Variants in EMC4 observed in about 807,000 individuals in gnomAD.
EMC4 encodes cell proliferation-inducing gene 17 protein.
A neutral mutation model predicts 24.2 loss-of-function variants in EMC4; 9 were observed. The observed-to-expected ratio is 0.37, with a 90% confidence interval of 0.22 to 0.65. The LOEUF is 0.65. EMC4 is among the 30% of genes least tolerant of loss of function. The pLI, the probability that EMC4 is intolerant of heterozygous loss-of-function variation, is 0.59. For missense variants in EMC4, 169 were observed against 234.6 expected, an observed-to-expected ratio of 0.72 and a Z score of 1.83; for synonymous variants, 86 against 81.1, an observed-to-expected ratio of 1.06 and a Z score of -0.32.
In EMC4 at chr15:34,228,005, A is replaced by AGAGTAGAGAG. The variant is rs1595381813; in HGVS notation, c.355+159_355+160insGAGTAGAGAG. 10 of 684,526 alleles carry AGAGTAGAGAG rather than the reference A, an allele frequency of 1.5e-5. No homozygotes were observed. The East Asian group carries it at 2.7e-4, about 19-fold the overall frequency. 42.4% of individuals were successfully genotyped at this position (684,526 alleles called of 1,614,324 possible). A position where few individuals can be genotyped will look rare whatever the true frequency, so the allele number is the denominator to read the frequency against. On this transcript the variant is annotated intron_variant, in intron 3 of 4. Transcript: ENST00000267750. ...CGAGACCAGCCTGGCCAACATGGTG[A>AGAGTAGAGAG]AACCTTGTCTCTACTAAAAATGCAA...
At chr15:34,228,402 G>T in intron 3 of EMC4, 27 bp from the exon 4 acceptor site, 2 of 1,611,044 alleles carry the variant, frequency 1.2e-6, no homozygotes, top group South Asian at 2.2e-5. Context: ...AGTTCTTTTG[G>T]TTTGACAACT....
intron 2 of EMC4, 111 bp from the exon 3 acceptor site, chr15:34,227,582 G>A: frequency 8.2e-7 from 1 of 1,215,224 alleles, no homozygotes; most frequent in African/African-American, 1.5e-5. Flanking sequence ...AGTCAGCTCA[G>A]TTAGAAGCAG....
chr15:34,229,879 A>AAT lies in EMC4; in HGVS notation c.*92_*93dup. On this transcript the variant is annotated 3_prime_UTR_variant, in exon 5 of 5. Coordinates refer to ENST00000267750, the MANE Select transcript of EMC4 (RefSeq NM_016454.4). The stretch of plus-strand genomic sequence containing the variant: ...TGGCTCCTCAGCATACTCTTAAACT[A>AAT]ATCACTTATGTTAAAAAGAACCAAA... 8.3e-7 allele frequency: 1 copy of AAT among 1,210,678 alleles called. No individual in the cohort carries two copies. Among genetic ancestry groups the AAT allele is most frequent in the Middle Eastern group, 1.9e-4 (1 of 5,298 alleles). 75.0% of individuals were successfully genotyped at this position (1,210,678 alleles called of 1,614,324 possible).
rs200295598 is a variant in EMC4 at position 34,225,103 on chromosome 15, G to A, written c.-12G>A. ...CTGAGAAGCATCGAGGCTATAGGAC[G>A]CAGCTGTTGCCATGACGGCCCAGGG... On this transcript the variant is annotated 5_prime_UTR_variant, in exon 1 of 5. Coordinates refer to ENST00000267750, the MANE Select transcript of EMC4 (RefSeq NM_016454.4). The A allele has an allele frequency of 6.0e-4, 930 of 1,550,518 alleles. 2 individuals are homozygous for A. Among genetic ancestry groups the A allele is most frequent in the Non-Finnish European group, 7.9e-4 (905 of 1,145,882 alleles).
Position 34,225,516 on chromosome 15 carries a change from T to C in EMC4, c.87-20T>C, listed in dbSNP as rs1890627401. 3 of 1,585,256 alleles carry C rather than the reference T, an allele frequency of 1.9e-6. No homozygotes were observed. The African/African-American group carries it at 4.0e-5, about 21-fold the overall frequency. On this transcript the variant is annotated intron_variant, in intron 1 of 4. Coordinates refer to ENST00000267750, the MANE Select transcript of EMC4 (RefSeq NM_016454.4). ...AAGTATCGGAGGTTGCAGCTTTAGT[T>C]TCTTGGTTTGGTTTTTTAGGGGTCG...
At chr15:34,228,664 ATTGGAG>A in intron 4 of EMC4, 75 bp downstream of exon 4, 3 of 1,092,210 alleles carry the variant, frequency 2.7e-6, no homozygotes, top group Non-Finnish European at 3.9e-6. Context: ...ATGGTAGGAA[ATTGGAG>A]TTGGTATTTG....
rs1386875894 is a variant in EMC4 at position 34,227,707 on chromosome 15, C to T, written c.216C>T (p.Ile72=). 1.8e-5 allele frequency: 29 copies of T among 1,613,700 alleles called. No homozygotes were observed. The highest frequency in any genetic ancestry group is 2.3e-5 in the Non-Finnish European group (27 of 1,179,802). ...RILVEKRCWD[I]ALGPLKQIPM... ...TTTTGTTTTAGCGCTGCTGGGACATCGCCTTGGGTCCCCTCAAACAGATTC... is the reference window on the plus strand; with the variant it reads ...TTTTGTTTTAGCGCTGCTGGGACATTGCCTTGGGTCCCCTCAAACAGATTC... Residue 72 remains isoleucine (I), a synonymous_variant, in exon 3 of 5, where the codon ATC becomes ATT. Transcript: ENST00000267750.
intron 3 of EMC4, chr15:34,228,182 C>G (rs1890699194): frequency 4.1e-6 from 2 of 492,710 alleles, no homozygotes; most frequent in Non-Finnish European, 3.6e-6. Context: ...GACTCCATCT[C>G]AAAAAAAAGG....
chr15:34,225,385 T>G (rs1890622661), intron 1 of EMC4, 151 bp from the exon 2 acceptor site: 2 of 806,132 alleles, frequency 2.5e-6, no homozygotes, highest in Non-Finnish European at 4.1e-6. Flanking sequence ...GTCCTCCTGA[T>G]AAGTCAAAGG....
intron 3 of EMC4, 63 bp downstream of exon 3, chr15:34,227,909 G>T (rs546797434): frequency 4.3e-5 from 67 of 1,553,096 alleles, no homozygotes; most frequent in Middle Eastern, 2.0e-4. Flanking sequence ...GGCCGGGCAT[G>T]GTGGCTCACG....
Position 34,225,191 on chromosome 15 carries a change from G to A in EMC4, c.77G>A (p.Gly26Glu). 1 of 1,550,458 alleles carries A rather than the reference G, an allele frequency of 6.4e-7. No individual in the cohort carries two copies. Among genetic ancestry groups the A allele is most frequent in the Non-Finnish European group, 8.7e-7 (1 of 1,146,444 alleles). ...GCCATTGAGCTAAGCGGGCCTGGAGGAGGCAGCAGGTGAGGCACCTGGGCA... is the reference window on the plus strand; with the variant it reads ...GCCATTGAGCTAAGCGGGCCTGGAGAAGGCAGCAGGTGAGGCACCTGGGCA... ...KWAIELSGPG[G>E]GSRGRSDRGS... Residue 26 changes from glycine (G) to glutamate (E), a missense_variant, in exon 1 of 5, where the codon GGA becomes GAA. By Grantham distance (98) the Gly-to-Glu change is moderately conservative. Transcript: ENST00000267750.
intron 1 of EMC4, 87 bp downstream of exon 1, chr15:34,225,287 A>C: frequency 8.4e-7 from 1 of 1,192,320 alleles, no homozygotes; most frequent in Non-Finnish European, 1.2e-6. Context: ...CATAACTCTG[A>C]AAAAGATGGG....
chr15:34,225,454 ATTCCTATGATTGG>A, intron 1 of EMC4, 69 bp from the exon 2 acceptor site: 2 of 1,100,804 alleles, frequency 1.8e-6, no homozygotes, highest in Non-Finnish European at 2.8e-6. Context: ...GAAGATCTTT[ATTCCTATGATTGG>A]TAGATCAGGA....
In EMC4 at chr15:34,225,198, C is replaced by T. The variant is rs765598377; in HGVS notation, c.84C>T (p.Ser28=). 2.1e-5 allele frequency: 32 copies of T among 1,549,138 alleles called. No homozygotes were observed. Among genetic ancestry groups the T allele is most frequent in the Non-Finnish European group, 2.7e-5 (31 of 1,145,750 alleles). ...AIELSGPGGG[S]RGRSDRGSGQ... ...AGCTAAGCGGGCCTGGAGGAGGCAG[C>T]AGGTGAGGCACCTGGGCAAGCTGTA... The change falls in exon 1 of 5, where the codon AGC becomes AGT. Residue 28 remains serine, a splice_region_variant and synonymous_variant. Transcript: ENST00000267750.
chr15:34,228,681 AGTTTC>A, intron 4 of EMC4, 92 bp downstream of exon 4: 3 of 538,036 alleles, frequency 5.6e-6, no homozygotes, highest in Non-Finnish European at 9.0e-6. Context: ...TTGGTATTTG[AGTTTC>A]TTTTTTTTTT....
At chr15:34,227,989 C>A in intron 3 of EMC4, 143 bp downstream of exon 3, 1 of 793,786 alleles carries the variant, frequency 1.3e-6, no homozygotes, top group South Asian at 1.8e-5. Flanking sequence ...TCGAGACCAG[C>A]CTGGCCAACA....
At chr15:34,229,604 C>A (rs1890780519) in intron 4 of EMC4, 149 bp from the exon 5 acceptor site, 7 of 617,558 alleles carry the variant, frequency 1.1e-5, no homozygotes, top group Non-Finnish European at 2.0e-5. Flanking sequence ...AAGTGTTTAG[C>A]TAAGATTAGC....
chr15:34,227,912 G>C, intron 3 of EMC4, 66 bp downstream of exon 3: 1 of 1,544,908 alleles, frequency 6.5e-7, no homozygotes, highest in South Asian at 1.1e-5. Context: ...CGGGCATGGT[G>C]GCTCACGCCT....
intron 4 of EMC4, chr15:34,228,868 A>G: frequency 4.1e-6 from 1 of 245,688 alleles, no homozygotes; most frequent in South Asian, 5.2e-5. Context: ...TGTATCTTTT[A>G]GTAGAGATGG....
Sources: gnomAD v4.1 joint callset for allele counts on GRCh38, gnomAD v4.1.1 for gene constraint, MANE v1.5 for transcripts, NCBI Gene and HGNC (gene_info 2026-07-23, HGNC 2026-07-21) for gene names.